Variants in SHISA9 observed in about 807,000 individuals in gnomAD.
SHISA9 encodes protein shisa-9.
Under a neutral mutation model 38.0 loss-of-function variants are expected in SHISA9, and 13 were observed. That is an observed-to-expected ratio of 0.34 (90% CI 0.22 to 0.54). The LOEUF is 0.54. Among genes scored for constraint, SHISA9 ranks in the 20% least tolerant of loss-of-function variants. The probability of loss-of-function intolerance (pLI) is 0.91; values close to 1 mark genes in which losing one functional copy is unlikely to be tolerated. For synonymous variants in SHISA9, 275 were observed against 242.0 expected (o/e 1.14, Z -1.27); for missense variants, 538 against 575.8 (o/e 0.93, Z 0.67).
In SHISA9 at chr16:13,116,045, G is replaced by A. The variant is rs115403355; in HGVS notation, c.692-87349G>A. Reference sequence around the variant, plus strand: ...ATTCTTCATTCTGCCTTATGATTGCGATTATATCTGTAGTGTTATCCATGG... The same window carrying A: ...ATTCTTCATTCTGCCTTATGATTGCAATTATATCTGTAGTGTTATCCATGG... On this transcript the variant is annotated intron_variant, in intron 2 of 4. Coordinates refer to ENST00000558583, the MANE Select transcript of SHISA9 (RefSeq NM_001145204.3). Among the ~76,000 whole-genome samples the A allele has an allele frequency of 3.5e-3, 540 of 152,232 alleles. 1 individual carries two copies. The highest frequency in any genetic ancestry group is 6.9e-3 in the Admixed American group (105 of 15,294).
intron 2 of SHISA9, among the ~76,000 whole-genome samples, chr16:13,127,449 C>T (rs1319871043): frequency 6.5e-5 from 6 of 91,720 alleles, no homozygotes; most frequent in South Asian, 3.9e-4. Context: ...AGAGAGAGAT[C>T]GAGGGAGGGA....
chr16:13,229,958 T>A (rs1328630017), intron 4 of SHISA9, among the ~76,000 whole-genome samples: 1 of 152,186 alleles, frequency 6.6e-6, no homozygotes, highest in Non-Finnish European at 1.5e-5. Flanking sequence ...TATGACTGGT[T>A]AGCTCCCCTT....
the SHISA9 span, among the ~76,000 whole-genome samples, chr16:13,323,864 A>T: frequency 6.6e-6 from 1 of 152,098 alleles, no homozygotes; most frequent in Non-Finnish European, 1.5e-5. Flanking sequence ...TCAAGATGAG[A>T]TTTGGGTGGG....
intron 2 of SHISA9, among the ~76,000 whole-genome samples, chr16:13,182,053 T>C (rs1378635436): frequency 1.3e-5 from 2 of 152,168 alleles, no homozygotes; most frequent in Non-Finnish European, 2.9e-5. Context: ...AGAAGCTACA[T>C]AGTGATGGAA....
intron 2 of SHISA9, among the ~76,000 whole-genome samples, chr16:13,174,834 A>G (rs1596702793): frequency 6.6e-6 from 1 of 152,194 alleles, no homozygotes; most frequent in East Asian, 1.9e-4. Flanking sequence ...GATCCAAGGC[A>G]GCTCTGAGAT....
chr16:13,380,593 G>A, the SHISA9 span, among the ~76,000 whole-genome samples: 1 of 152,126 alleles, frequency 6.6e-6, no homozygotes, highest in East Asian at 1.9e-4. Context: ...TCAGAAAGCT[G>A]TTGCACAATT....
Position 12,916,812 on chromosome 16 carries a change from C to A in SHISA9, c.688C>A (p.Leu230Ile), listed in dbSNP as rs1441899499. ...GGACACGAGAACCCCCATAAATAAT[C>A]TTCGTAAGTACAGCTGCATGAACCA... The part of the protein sequence containing the change: ...NMDTRTPINN[L>I]HATQMNNAVP... The change falls in exon 2 of 5, where the codon CTT (leucine) becomes ATT (isoleucine). Residue 230 changes from leucine to isoleucine, a missense_variant. This residue lies in a region of SHISA9 where 326 missense variants were observed against 305.9 expected (regional missense o/e 1.07). Coordinates refer to ENST00000558583, the MANE Select transcript of SHISA9 (RefSeq NM_001145204.3). 6.4e-7 allele frequency: 1 copy of A among 1,551,558 alleles called. No homozygotes were observed.
intron 2 of SHISA9, among the ~76,000 whole-genome samples, chr16:13,171,453 A>G (rs1357078550): frequency 6.9e-6 from 1 of 145,340 alleles, no homozygotes; most frequent in African/African-American, 2.5e-5. Context: ...CAGTGCTGGG[A>G]GAGTGAATGA....
chr16:13,546,033 C>T, the SHISA9 span, among the ~76,000 whole-genome samples: 1 of 152,264 alleles, frequency 6.6e-6, no homozygotes, highest in East Asian at 1.9e-4. Flanking sequence ...CCTGAATTAA[C>T]AATGTAGGAA....
rs183117530 is a variant in SHISA9 at position 13,216,102 on chromosome 16, G to A, written c.895+2802G>A. On this transcript the variant is annotated intron_variant, in intron 4 of 4. Coordinates refer to ENST00000558583, the MANE Select transcript of SHISA9 (RefSeq NM_001145204.3). ...CTCAGGAGGCTGAGGCAAGAGAATC[G>A]CTTGAATCCGGGAGATGGAGTTTGC... Among the ~76,000 whole-genome samples, 381 of 150,364 alleles carry A rather than the reference G, an allele frequency of 2.5e-3. 1 individual carries two copies. The highest frequency in any genetic ancestry group is 3.2e-3 in the Non-Finnish European group (216 of 67,858).
chr16:13,310,312 T>C, the SHISA9 span, among the ~76,000 whole-genome samples: 1 of 152,150 alleles, frequency 6.6e-6, no homozygotes. Flanking sequence ...CTTTTTTTTT[T>C]CTACTATGAA....
intron 2 of SHISA9, among the ~76,000 whole-genome samples, chr16:12,974,062 C>T (rs555867201): frequency 6.6e-6 from 1 of 152,140 alleles, no homozygotes; most frequent in African/African-American, 2.4e-5. Context: ...TGCCAGGATT[C>T]TTTGGTGGTA....
chr16:13,467,512 C>A, the SHISA9 span, among the ~76,000 whole-genome samples: 1 of 152,298 alleles, frequency 6.6e-6, no homozygotes, highest in African/African-American at 2.4e-5. Flanking sequence ...ACACTATCAG[C>A]TTCTCTGCTT....
chr16:13,021,515 C>T (rs142485271), intron 2 of SHISA9, among the ~76,000 whole-genome samples: 2 of 152,216 alleles, frequency 1.3e-5, no homozygotes, highest in Non-Finnish European at 2.9e-5. Flanking sequence ...GTTATCACAC[C>T]CACTAGTAAA....
At chr16:13,389,834 A>G in the SHISA9 span, among the ~76,000 whole-genome samples, 2 of 152,172 alleles carry the variant, frequency 1.3e-5, no homozygotes, top group African/African-American at 4.8e-5. Context: ...CAATATCTCC[A>G]CTGGCTATAA....
At chr16:13,409,505 C>G in the SHISA9 span, among the ~76,000 whole-genome samples, 1 of 152,380 alleles carries the variant, frequency 6.6e-6, no homozygotes, top group Admixed American at 6.5e-5. Flanking sequence ...GCTCCACCTC[C>G]TGTAACGGAT....
At chr16:13,412,618 A>C in the SHISA9 span, among the ~76,000 whole-genome samples, 2 of 152,112 alleles carry the variant, frequency 1.3e-5, no homozygotes, top group Non-Finnish European at 2.9e-5. Flanking sequence ...GCACTTTGGG[A>C]GTCTGAGGCA....
At chr16:13,552,964 T>C in the SHISA9 span, among the ~76,000 whole-genome samples, 2 of 151,980 alleles carry the variant, frequency 1.3e-5, no homozygotes, top group African/African-American at 2.4e-5. Context: ...TAATCGTTTG[T>C]TGTGGGGGCC....
At chr16:12,960,501 GACA>G (rs1220827583) in intron 2 of SHISA9, among the ~76,000 whole-genome samples, 2 of 152,066 alleles carry the variant, frequency 1.3e-5, no homozygotes, top group African/African-American at 4.8e-5. Flanking sequence ...CAATAGCAAA[GACA>G]TGGAATCAAC....
Sources: gnomAD v4.1 joint callset for allele counts (sites outside exome capture counted in the v4.1 genomes callset) on GRCh38, gnomAD v4.1.1 for gene constraint, gnomAD v4.1.1 regional missense constraint, MANE v1.5 for transcripts, NCBI Gene and HGNC (gene_info 2026-07-23, HGNC 2026-07-21) for gene names.